The following AGMO variants were observed in gnomAD, a reference collection of about 807,000 sequenced individuals.
AGMO encodes the protein alkylglycerol monooxygenase, also known as glyceryl-ether monooxygenase.
Under a neutral mutation model 60.2 loss-of-function variants are expected in AGMO, and 75 were observed. That is an observed-to-expected ratio of 1.25 (90% confidence interval 1.03 to 1.51). AGMO has a LOEUF of 1.51. AGMO is among the 40% of genes most tolerant of loss of function. AGMO has a pLI of 0.00. For synonymous variants in AGMO, 261 were observed against 177.1 expected (o/e 1.47, Z -3.76); for missense variants, 763 against 525.5 (o/e 1.45, Z -4.42).
intron 12 of AGMO, among the ~76,000 whole-genome samples, chr7:15,215,376 T>A (rs1028566383): frequency 2.6e-5 from 4 of 152,022 alleles, no homozygotes; most frequent in African/African-American, 9.7e-5. Flanking sequence ...CTTTTTTTTC[T>A]TTACTGTGAT....
chr7:15,376,613 T>C (rs570101188), intron 10 of AGMO, among the ~76,000 whole-genome samples: 1 of 152,256 alleles, frequency 6.6e-6, no homozygotes, highest in African/African-American at 2.4e-5. Context: ...TATCCTATTA[T>C]AAGACCTTAT....
At chr7:15,286,958 G>A (rs1009951613) in intron 12 of AGMO, among the ~76,000 whole-genome samples, 5 of 152,064 alleles carry the variant, frequency 3.3e-5, no homozygotes, top group African/African-American at 1.2e-4. Context: ...ATTATTCTAA[G>A]AAGTAACTCA....
At chr7:15,289,626 TA>T (rs1358449948) in intron 12 of AGMO, among the ~76,000 whole-genome samples, 5 of 152,092 alleles carry the variant, frequency 3.3e-5, no homozygotes, top group Non-Finnish European at 7.4e-5. Flanking sequence ...ATAGATATTA[TA>T]AGTTTATCTA....
At chr7:15,339,557 A>T (rs1781768028) in intron 12 of AGMO, among the ~76,000 whole-genome samples, 1 of 152,206 alleles carries the variant, frequency 6.6e-6, no homozygotes, top group Non-Finnish European at 1.5e-5. Flanking sequence ...TATGTCAGAA[A>T]TGAGTTTCCA....
chr7:15,471,384 T>C (rs1324378660), intron 3 of AGMO, among the ~76,000 whole-genome samples: 2 of 151,944 alleles, frequency 1.3e-5, no homozygotes, highest in Non-Finnish European at 2.9e-5. Context: ...ATTATGAGTC[T>C]ACACAGGACC....
chr7:15,373,449 G>C (rs148659706), intron 10 of AGMO, among the ~76,000 whole-genome samples: 1 of 152,076 alleles, frequency 6.6e-6, no homozygotes, highest in Non-Finnish European at 1.5e-5. Flanking sequence ...CACAAAAACA[G>C]CAGAATTACA....
the AGMO span, among the ~76,000 whole-genome samples, chr7:15,158,719 A>G: frequency 6.6e-6 from 1 of 152,206 alleles, no homozygotes; most frequent in Non-Finnish European, 1.5e-5. Flanking sequence ...AAGCCCCAGC[A>G]TAGAATTGAT....
chr7:15,209,393 G>T (rs200233179), intron 12 of AGMO, among the ~76,000 whole-genome samples: 215 of 64,766 alleles, frequency 3.3e-3, no homozygotes, highest in Middle Eastern at 0.014. Context: ...AAAAAATGAG[G>T]TTTTTTTTTA....
At chr7:15,137,871 C>G in the AGMO span, among the ~76,000 whole-genome samples, 72,006 of 151,840 alleles carry the variant, frequency 0.47, 17,263 homozygotes, top group East Asian at 0.67. Flanking sequence ...GATGAGGAAA[C>G]AGGCAATGAA....
intron 10 of AGMO, among the ~76,000 whole-genome samples, chr7:15,369,890 AATCT>A (rs770127139): frequency 2.6e-5 from 4 of 152,124 alleles, no homozygotes; most frequent in Non-Finnish European, 5.9e-5. Flanking sequence ...GGGAAAACTG[AATCT>A]ATTTCATTTT....
chr7:15,493,015 T>C (rs897290501), intron 3 of AGMO, among the ~76,000 whole-genome samples: 2 of 152,096 alleles, frequency 1.3e-5, no homozygotes, highest in African/African-American at 4.8e-5. Flanking sequence ...GCTATAAGCA[T>C]TTTTCCCATT....
rs575315461 is a variant in AGMO, at chr7:15,495,452, T to C, written c.409+49320A>G. Among the ~76,000 whole-genome samples the C allele has an allele frequency of 3.9e-5, 6 of 152,314 alleles. No homozygotes were observed. In the East Asian group the frequency reaches 1.2e-3, roughly 29 times the overall value. On this transcript the variant is annotated intron_variant, in intron 3 of 12. Coordinates refer to ENST00000342526, the MANE Select transcript of AGMO (RefSeq NM_001004320.2). ...TGCTTAGAATTACTTGATGCCCAGG[T>C]AGTCTTACTAAGCCAGTTCATACAT...
intron 12 of AGMO, among the ~76,000 whole-genome samples, chr7:15,269,168 CTG>C (rs1783521900): frequency 6.6e-6 from 1 of 152,048 alleles, no homozygotes; most frequent in South Asian, 2.1e-4. Flanking sequence ...TCCAATAAAA[CTG>C]TATTTATAAT....
intron 10 of AGMO, among the ~76,000 whole-genome samples, chr7:15,368,734 G>A (rs1040066717): frequency 1.3e-5 from 2 of 152,140 alleles, no homozygotes; most frequent in Non-Finnish European, 1.5e-5. Flanking sequence ...ATAAATAGAA[G>A]TTCTAATTAG....
chr7:15,161,581 G>A, the AGMO span, among the ~76,000 whole-genome samples: 1 of 150,532 alleles, frequency 6.6e-6, no homozygotes, highest in Non-Finnish European at 1.5e-5. Context: ...ACATATATGT[G>A]TATATATACA....
chr7:15,263,767 C>A (rs749274388), intron 12 of AGMO, among the ~76,000 whole-genome samples: 1 of 152,076 alleles, frequency 6.6e-6, no homozygotes, highest in Non-Finnish European at 1.5e-5. Context: ...TTTTCAGGAA[C>A]CTGGATGGAA....
chr7:15,363,329 T>G (rs1304347825), intron 12 of AGMO, among the ~76,000 whole-genome samples: 1 of 152,194 alleles, frequency 6.6e-6, no homozygotes, highest in East Asian at 1.9e-4. Flanking sequence ...CTTAAGTTCA[T>G]ATAAAATAAC....
intron 3 of AGMO, among the ~76,000 whole-genome samples, chr7:15,446,304 T>C (rs1051560579): frequency 1.6e-4 from 25 of 152,298 alleles, no homozygotes; most frequent in African/African-American, 5.5e-4. Context: ...CTCCTAGTAA[T>C]TCTCTCTTTC....
intron 3 of AGMO, among the ~76,000 whole-genome samples, chr7:15,498,813 G>A (rs559009206): frequency 3.9e-5 from 6 of 151,978 alleles, no homozygotes; most frequent in African/African-American, 1.4e-4. Context: ...AGTGAGAAAC[G>A]TACTTTCTGA....
Sources: allele counts gnomAD v4.1 joint callset (sites outside exome capture counted in the v4.1 genomes callset), GRCh38; gene constraint gnomAD v4.1.1; transcripts MANE v1.5; gene names NCBI Gene and HGNC (gene_info 2026-07-23, HGNC 2026-07-21).